The following DNTT variants were observed in gnomAD, a reference collection of about 807,000 sequenced individuals.
The protein encoded by DNTT is DNA nucleotidylexotransferase.
DNTT carries 47 observed loss-of-function variants against 60.9 expected under a neutral mutation model. The observed-to-expected ratio is 0.77, with a 90% CI of 0.61 to 0.98. DNTT has a LOEUF of 0.98. Ranked by LOEUF, DNTT falls within the 50% of genes least tolerant of loss-of-function variation. The pLI is 0.00. For missense variants in DNTT, 665 were observed against 627.5 expected (o/e 1.06, Z -0.64); for synonymous variants, 224 against 221.2 (o/e 1.01, Z -0.11).
chr10:96,322,711 C>A lies in DNTT; in HGVS notation c.733C>A (p.Arg245=). 1 of 1,596,278 alleles carries A rather than the reference C, an allele frequency of 6.3e-7. No individual in the cohort carries two copies. The highest frequency in any genetic ancestry group is 1.1e-5 in the South Asian group (1 of 88,996). Residue 245 remains arginine (R), a synonymous_variant, in exon 5 of 11, where the codon CGA becomes AGA. Coordinates refer to ENST00000371174, the MANE Select transcript of DNTT (RefSeq NM_004088.4). ...SEVKAVLNDE[R]YQSFKLFTSV... ...AGTTAAAGCTGTGTTAAATGATGAACGATATCAATCCTTCAAAGTAAGTGA... is the reference window on the plus strand; with the variant it reads ...AGTTAAAGCTGTGTTAAATGATGAAAGATATCAATCCTTCAAAGTAAGTGA...
At chr10:96,323,277 T>A (rs1430575933) in intron 5 of DNTT, among the ~76,000 whole-genome samples, 2 of 151,892 alleles carry the variant, frequency 1.3e-5, no homozygotes, top group Non-Finnish European at 2.9e-5. Flanking sequence ...CCAGCCTGGG[T>A]GATAGAGTGA....
At chr10:96,327,392 G>C in intron 6 of DNTT, 76 bp from the exon 7 acceptor site, 1 of 1,603,196 alleles carries the variant, frequency 6.2e-7, no homozygotes. Flanking sequence ...CGTGGGGACA[G>C]AATCCCCTTC....
chr10:96,327,318 T>C (rs775588909), intron 6 of DNTT, 150 bp from the exon 7 acceptor site: 42 of 1,172,812 alleles, frequency 3.6e-5, no homozygotes, highest in Admixed American at 5.2e-5. Flanking sequence ...GAGAACCACA[T>C]GGACTATTCT....
rs775930946 is a variant in DNTT, at chr10:96,332,474, AGAGTGGACAGTGACCAGTCCAGCTGGCAG to A, written c.1240_1268del (p.Val414ArgfsTer33). 1.2e-6 allele frequency: 2 copies of A among 1,614,206 alleles called. No individual in the cohort carries two copies. The highest frequency in any genetic ancestry group is 3.3e-5 in the Admixed American group (2 of 60,030). ...TCTGATTTTCAAATTGCCTCGTCAAAGAGTGGACAGTGACCAGTCCAGCTGGCAGGAAGGAAAGACCTGGAAGGCCATCC... is the reference window on the plus strand; with the variant it reads ...TCTGATTTTCAAATTGCCTCGTCAAAGAAGGAAAGACCTGGAAGGCCATCC... On this transcript the variant is annotated frameshift_variant, in exon 9 of 11. Coordinates refer to ENST00000371174, the MANE Select transcript of DNTT (RefSeq NM_004088.4). LOFTEE classifies it high-confidence loss of function.
intron 3 of DNTT, 124 bp downstream of exon 3, chr10:96,319,514 G>T (rs1844840498): frequency 7.4e-7 from 1 of 1,355,076 alleles, no homozygotes; most frequent in Non-Finnish European, 1.0e-6. Flanking sequence ...CCTACCTGCA[G>T]CCCTAGCCTG....
intron 1 of DNTT, among the ~76,000 whole-genome samples, chr10:96,306,053 G>T (rs1844631173): frequency 6.6e-6 from 1 of 151,386 alleles, no homozygotes; most frequent in Non-Finnish European, 1.5e-5. Context: ...AGTTGGAGAA[G>T]ACAGGAAGAT....
chr10:96,317,371 T>C (rs966819554), intron 1 of DNTT, among the ~76,000 whole-genome samples: 1 of 152,192 alleles, frequency 6.6e-6, no homozygotes, highest in African/African-American at 2.4e-5. Flanking sequence ...GCCTTAAACA[T>C]GGTAAGTGCT....
intron 1 of DNTT, among the ~76,000 whole-genome samples, chr10:96,307,733 A>AT (rs1491263751): frequency 0.15 from 8,943 of 60,096 alleles, 517 homozygotes; most frequent in Non-Finnish European, 0.23. Context: ...ATATATATAT[A>AT]AGCATATATA....
intron 10 of DNTT, among the ~76,000 whole-genome samples, chr10:96,336,940 GAAA>G (rs71034371): frequency 7.7e-6 from 1 of 129,948 alleles, no homozygotes. Context: ...TCTGTGTCAG[GAAA>G]AAAAAAAAAA....
chr10:96,318,387 C>T lies in DNTT; in HGVS notation c.239C>T (p.Ser80Leu), dbSNP rs1355861073. 14 of 1,613,402 alleles carry T rather than the reference C, an allele frequency of 8.7e-6. No individual in the cohort carries two copies. Among genetic ancestry groups the T allele is most frequent in the East Asian group, 2.2e-5 (1 of 44,860 alleles). The change falls in exon 2 of 11, where the codon TCG becomes TTG. Residue 80 changes from serine to leucine, a missense_variant. Transcript: ENST00000371174. ...ACCCACATCGTAGCAGAGAACAACT[C>T]GGGTTCGGATGTTCTGGAGTGGCTT... ...SVTHIVAENNSGSDVLEWLQA... is the reference protein window; with the variant it reads ...SVTHIVAENNLGSDVLEWLQA...
intron 1 of DNTT, among the ~76,000 whole-genome samples, chr10:96,312,807 C>T (rs1844736786): frequency 6.6e-6 from 1 of 152,166 alleles, no homozygotes; most frequent in Non-Finnish European, 1.5e-5. Context: ...CATAATGGGA[C>T]CCAGTAATCT....
At chr10:96,309,356 C>A (rs765629928) in intron 1 of DNTT, among the ~76,000 whole-genome samples, 51 of 152,094 alleles carry the variant, frequency 3.4e-4, no homozygotes, top group Middle Eastern at 3.4e-3. Context: ...ATGAGTCCTG[C>A]AAACAAGGAG....
chr10:96,332,331 G>A lies in DNTT; in HGVS notation c.1114-20G>A. The A allele has an allele frequency of 6.2e-7, 1 of 1,609,210 alleles. No homozygotes were observed. Among genetic ancestry groups the A allele is most frequent in the Non-Finnish European group, 8.5e-7 (1 of 1,176,716 alleles). ...TTCTTCATCAGGGCCTTTTCCTGAT[G>A]CCATTCTGTTTCTTTTCAGGGATTA... On this transcript the variant is annotated intron_variant, in intron 8 of 10. Transcript: ENST00000371174.
intron 3 of DNTT, among the ~76,000 whole-genome samples, chr10:96,320,037 G>A (rs184291947): frequency 1.3e-5 from 2 of 152,308 alleles, no homozygotes; most frequent in East Asian, 3.9e-4. Context: ...CTCATTTCTA[G>A]ACTTCCAGCT....
intron 6 of DNTT, among the ~76,000 whole-genome samples, chr10:96,326,237 C>T (rs569735610): frequency 6.6e-5 from 10 of 151,296 alleles, no homozygotes; most frequent in African/African-American, 2.2e-4. Context: ...GTATTACAGC[C>T]TAATAGAGCA....
chr10:96,311,605 T>A (rs1440454232), intron 1 of DNTT, among the ~76,000 whole-genome samples: 1 of 152,184 alleles, frequency 6.6e-6, no homozygotes, highest in Non-Finnish European at 1.5e-5. Flanking sequence ...TTTTACCACA[T>A]CTTTTATTAT....
intron 8 of DNTT, among the ~76,000 whole-genome samples, chr10:96,330,259 C>T (rs1564874487): frequency 6.6e-6 from 1 of 151,250 alleles, no homozygotes; most frequent in South Asian, 2.1e-4. Flanking sequence ...AAAGAATGGC[C>T]CATTTCTCTC....
At chr10:96,321,508 T>C (rs577207128) in intron 4 of DNTT, among the ~76,000 whole-genome samples, 1 of 152,244 alleles carries the variant, frequency 6.6e-6, no homozygotes, top group South Asian at 2.1e-4. Flanking sequence ...TAATCTGCCA[T>C]TTTGTCTCTT....
chr10:96,319,415 C>T, intron 3 of DNTT, 25 bp downstream of exon 3: 1 of 1,610,996 alleles, frequency 6.2e-7, no homozygotes, highest in South Asian at 1.1e-5. Flanking sequence ...CATCAACACC[C>T]AGGGCAAACG....
Sources: allele counts gnomAD v4.1 joint callset (sites outside exome capture counted in the v4.1 genomes callset), GRCh38; gene constraint gnomAD v4.1.1; transcripts MANE v1.5; gene names NCBI Gene and HGNC (gene_info 2026-07-23, HGNC 2026-07-21).